Variants in CDC37L1 observed in about 807,000 individuals in gnomAD.
CDC37L1 encodes cell division cycle 37 like 1, HSP90 cochaperone, also known as hsp90 co-chaperone Cdc37-like 1.
A neutral mutation model predicts 45.9 loss-of-function variants in CDC37L1; 32 were observed. The observed-to-expected ratio is 0.70, with a 90% CI of 0.53 to 0.94. CDC37L1 has a LOEUF of 0.94. Ranked by LOEUF, CDC37L1 falls within the 40% of genes least tolerant of loss-of-function variation. CDC37L1 has a pLI of 0.00. For synonymous variants in CDC37L1, 150 were observed against 133.0 expected (o/e 1.13, Z -0.88); for missense variants, 434 against 405.7 (o/e 1.07, Z -0.60).
rs771362931 is a variant in CDC37L1 at position 4,706,145 on chromosome 9, T to C, written c.*33T>C. 1.4e-5 allele frequency: 14 copies of C among 1,031,000 alleles called. No individual in the cohort carries two copies. The East Asian group carries it at 1.7e-4, about 12-fold the overall frequency. The allele number at this position is 1,031,000 out of a possible 1,614,324, so 63.9% of individuals were successfully genotyped here. On this transcript the variant is annotated 3_prime_UTR_variant, in exon 7 of 7. Transcript: ENST00000381854. ...AAGACTGCTGAGGCCAAGTGCTATTTTGTTACAAGAAAGGAAGAACTTGGC... is the reference window on the plus strand; with the variant it reads ...AAGACTGCTGAGGCCAAGTGCTATTCTGTTACAAGAAAGGAAGAACTTGGC...
chr9:4,686,973 A>G (rs1841252976), intron 2 of CDC37L1, among the ~76,000 whole-genome samples: 1 of 152,252 alleles, frequency 6.6e-6, no homozygotes. Context: ...GATAAATAAA[A>G]TAATTTATTA....
rs151165506 is a variant in CDC37L1 at position 4,695,575 on chromosome 9, C to T, written c.509-1521C>T. On this transcript the variant is annotated intron_variant, in intron 3 of 6. Transcript: ENST00000381854. The stretch of plus-strand genomic sequence containing the variant: ...GTGGTTCCATCATACCTTCTGCAGC[C>T]TCTAGCTCCTAGGCTCCCAAGTGAT... 5.4e-3 allele frequency among the ~76,000 whole-genome samples: 819 copies of T among 152,216 alleles called. 9 individuals are homozygous for T. The highest frequency in any genetic ancestry group is 0.019 in the African/African-American group (776 of 41,528).
intron 5 of CDC37L1, among the ~76,000 whole-genome samples, chr9:4,701,087 CACAGGTTTTA>C (rs1020595479): frequency 2.8e-4 from 43 of 152,268 alleles, no homozygotes; most frequent in African/African-American, 1.0e-3. Context: ...GTAACTAATC[CACAGGTTTTA>C]ACCTGTTACG....
At chr9:4,688,439 G>T (rs1490581470) in intron 2 of CDC37L1, 74 bp from the exon 3 acceptor site, 2 of 806,784 alleles carry the variant, frequency 2.5e-6, no homozygotes, top group East Asian at 3.0e-5. Context: ...AGAATTGCTA[G>T]ATATTCAGTA....
chr9:4,680,324 T>A (rs1442604966), intron 1 of CDC37L1, among the ~76,000 whole-genome samples: 1 of 152,208 alleles, frequency 6.6e-6, no homozygotes, highest in East Asian at 1.9e-4. Context: ...AGTGAATGAT[T>A]GTAGTTCAGC....
intron 6 of CDC37L1, among the ~76,000 whole-genome samples, chr9:4,702,549 G>T: frequency 6.6e-6 from 1 of 152,156 alleles, no homozygotes; most frequent in African/African-American, 2.4e-5. Context: ...CTGGCCAACT[G>T]TTTGAGCCTC....
chr9:4,702,556 C>A (rs1451734445), intron 6 of CDC37L1, among the ~76,000 whole-genome samples: 1 of 152,066 alleles, frequency 6.6e-6, no homozygotes, highest in African/African-American at 2.4e-5. Context: ...ACTGTTTGAG[C>A]CTCTTTGAAG....
At chr9:4,695,080 C>A (rs776641017) in intron 3 of CDC37L1, among the ~76,000 whole-genome samples, 2 of 152,138 alleles carry the variant, frequency 1.3e-5, no homozygotes, top group Non-Finnish European at 2.9e-5. Flanking sequence ...TATTACCTCT[C>A]CAGAAGTGTA....
chr9:4,696,727 T>C (rs867321346), intron 3 of CDC37L1, among the ~76,000 whole-genome samples: 2 of 152,244 alleles, frequency 1.3e-5, no homozygotes, highest in African/African-American at 4.8e-5. Context: ...TAAAAGACTT[T>C]GTTTATAACA....
At chr9:4,703,596 A>G (rs1415279783) in intron 6 of CDC37L1, among the ~76,000 whole-genome samples, 3 of 152,202 alleles carry the variant, frequency 2.0e-5, no homozygotes, top group Non-Finnish European at 4.4e-5. Flanking sequence ...AATCCAATAT[A>G]TAAACCTCCT....
intron 2 of CDC37L1, among the ~76,000 whole-genome samples, chr9:4,685,973 G>A (rs1219610805): frequency 6.6e-6 from 1 of 152,184 alleles, no homozygotes; most frequent in Non-Finnish European, 1.5e-5. Flanking sequence ...AACCAGTTTG[G>A]TTGACATGAT....
chr9:4,703,845 T>G (rs768773632), intron 6 of CDC37L1, among the ~76,000 whole-genome samples: 1 of 152,198 alleles, frequency 6.6e-6, no homozygotes, highest in South Asian at 2.1e-4. Context: ...ACTAGAATTA[T>G]ACAATTCTGA....
Position 4,679,641 on chromosome 9 carries a change from T to G in CDC37L1, c.-127T>G. 1.2e-6 allele frequency: 1 copy of G among 838,946 alleles called. No homozygotes were observed. Among genetic ancestry groups the G allele is most frequent in the Non-Finnish European group, 1.8e-6 (1 of 561,110 alleles). 52.0% of individuals were successfully genotyped at this position (838,946 alleles called of 1,614,324 possible). ...AGCGGCGTCGCGGCCAGTAGAGGGA[T>G]TCTGGGTAACGGCCCGGACCCCCGG... On this transcript the variant is annotated 5_prime_UTR_variant, in exon 1 of 7. Coordinates refer to ENST00000381854, the MANE Select transcript of CDC37L1 (RefSeq NM_017913.4).
chr9:4,704,087 C>A (rs542120777), intron 6 of CDC37L1, among the ~76,000 whole-genome samples: 5 of 152,164 alleles, frequency 3.3e-5, no homozygotes, highest in Admixed American at 6.5e-5. Context: ...AAGACCAAAT[C>A]ATCAGTTTAG....
intron 3 of CDC37L1, among the ~76,000 whole-genome samples, chr9:4,689,569 TAAAG>T (rs1413317129): frequency 6.6e-6 from 1 of 152,084 alleles, no homozygotes; most frequent in African/African-American, 2.4e-5. Flanking sequence ...CTTTTCATTT[TAAAG>T]AAAGAAAAAA....
At chr9:4,692,523 G>C (rs1435129431) in intron 3 of CDC37L1, among the ~76,000 whole-genome samples, 1 of 152,102 alleles carries the variant, frequency 6.6e-6, no homozygotes, top group South Asian at 2.1e-4. Flanking sequence ...GCCCGCCTCG[G>C]CCTCTCAAAG....
chr9:4,679,919 C>A lies in CDC37L1; in HGVS notation c.132+20C>A. On this transcript the variant is annotated intron_variant, in intron 1 of 6. Coordinates refer to ENST00000381854, the MANE Select transcript of CDC37L1 (RefSeq NM_017913.4). ...GCCCAGGTGAGAAGGGGCCTGCGTT[C>A]TGCGGAGGGATGGAGTGGTGCTGTC... 1 of 1,613,136 alleles carries A rather than the reference C, an allele frequency of 6.2e-7. No individual in the cohort carries two copies. The highest frequency in any genetic ancestry group is 1.1e-5 in the South Asian group (1 of 90,986).
chr9:4,682,169 T>C (rs1249139158), intron 1 of CDC37L1, among the ~76,000 whole-genome samples: 2 of 148,774 alleles, frequency 1.3e-5, no homozygotes, highest in Non-Finnish European at 3.0e-5. Flanking sequence ...CTCTTTTTTT[T>C]TTTTTTTTTT....
intron 6 of CDC37L1, among the ~76,000 whole-genome samples, chr9:4,704,441 G>A (rs918542998): frequency 6.6e-6 from 1 of 152,156 alleles, no homozygotes; most frequent in Non-Finnish European, 1.5e-5. Flanking sequence ...CGGGTATACC[G>A]ATTCCTTCTT....
Sources: allele counts gnomAD v4.1 joint callset (sites outside exome capture counted in the v4.1 genomes callset), GRCh38; gene constraint gnomAD v4.1.1; transcripts MANE v1.5; gene names NCBI Gene and HGNC (gene_info 2026-07-23, HGNC 2026-07-21).